Variants in RNF212 observed in about 807,000 individuals in gnomAD.
RNF212 encodes ring finger protein 212.
In RNF212, 33 loss-of-function variants were observed where a neutral mutation model predicts 34.7. That is an observed-to-expected ratio of 0.95 (90% confidence interval 0.72 to 1.27). The LOEUF (loss-of-function observed/expected upper bound fraction) is 1.27. Among genes scored for constraint, RNF212 ranks in the 50% most tolerant of loss-of-function variants. The pLI, the probability that RNF212 is intolerant of heterozygous loss-of-function variation, is 0.00. For missense variants in RNF212, 377 were observed against 362.2 expected, an observed-to-expected ratio of 1.04 and a Z score of -0.33; for synonymous variants, 140 against 136.1, an observed-to-expected ratio of 1.03 and a Z score of -0.20.
chr4:1,110,413 G>A (rs188260808), intron 1 of RNF212, among the ~76,000 whole-genome samples: 108 of 152,192 alleles, frequency 7.1e-4, no homozygotes, highest in African/African-American at 2.6e-3. Flanking sequence ...TCGCATTTGG[G>A]TCAGTTTTCA....
chr4:1,078,793 G>A (rs1719760231), intron 8 of RNF212, among the ~76,000 whole-genome samples: 1 of 152,078 alleles, frequency 6.6e-6, no homozygotes, highest in East Asian at 1.9e-4. Context: ...GTCAACACAG[G>A]ACCGACATGG....
rs750268190 is a variant in RNF212, at chr4:1,073,198, G to A, written c.575-5C>T. 38 of 1,613,118 alleles carry A rather than the reference G, an allele frequency of 2.4e-5. No homozygotes were observed. The highest frequency in any genetic ancestry group is 2.8e-5 in the Non-Finnish European group (33 of 1,179,354). On this transcript the variant is annotated splice_region_variant and splice_polypyrimidine_tract_variant and intron_variant, in intron 9 of 9. Transcript: ENST00000433731. The stretch of plus-strand genomic sequence containing the variant: ...AAGAAGCTGTTAGATGTGGCCCTGC[G>A]GGAAGATGCAGGAGACAGCGTGTGG...
At chr4:1,086,430 G>C (rs1244299748) in intron 4 of RNF212, among the ~76,000 whole-genome samples, 1 of 151,166 alleles carries the variant, frequency 6.6e-6, no homozygotes, top group African/African-American at 2.4e-5. Flanking sequence ...CCATCCTCCA[G>C]GTTTGCTGGG....
rs1553819909 is a variant in RNF212 at position 1,113,465 on chromosome 4, G to A, written c.-1C>T. ...GATTACAGAACACCCAGTTGGCCAT[G>A]CCAGGCGGGCGACCGCAGCGGCGAG... On this transcript the variant is annotated 5_prime_UTR_variant, in exon 1 of 10. Coordinates refer to ENST00000433731, the MANE Select transcript of RNF212 (RefSeq NM_001131034.4). The A allele has an allele frequency of 1.9e-6, 3 of 1,605,426 alleles. No individual in the cohort carries two copies. The East Asian group carries it at 6.8e-5, about 36-fold the overall frequency.
At chr4:1,096,668 GCTC>G in intron 3 of RNF212, 94 bp downstream of exon 3, 1 of 761,606 alleles carries the variant, frequency 1.3e-6, no homozygotes, top group African/African-American at 2.2e-5. Context: ...AGTGCACCTG[GCTC>G]ATCACAGAAC....
chr4:1,066,871 C>T (rs1718132901), downstream of RNF212, among the ~76,000 whole-genome samples: 1 of 152,044 alleles, frequency 6.6e-6, no homozygotes, highest in African/African-American at 2.4e-5. Flanking sequence ...AAATCACTGC[C>T]ACATCCAACA....
intron 3 of RNF212, among the ~76,000 whole-genome samples, chr4:1,059,795 T>C (rs1226551630): frequency 6.6e-6 from 1 of 152,248 alleles, no homozygotes; most frequent in Non-Finnish European, 1.5e-5. Flanking sequence ...CAATACTATA[T>C]GGTCAGTTGA....
At chr4:1,057,751 G>A (rs1266995320) in intron 4 of RNF212, among the ~76,000 whole-genome samples, 3 of 152,164 alleles carry the variant, frequency 2.0e-5, no homozygotes, top group Non-Finnish European at 2.9e-5. Context: ...AAATGCCTAC[G>A]TTATATCTTA....
At chr4:1,090,639 G>T in intron 4 of RNF212, 143 bp downstream of exon 4, 1 of 645,334 alleles carries the variant, frequency 1.5e-6, no homozygotes, top group Non-Finnish European at 2.8e-6. Flanking sequence ...CAGTGACAAC[G>T]TCCCCATAGC....
chr4:1,091,504 G>C (rs1482259121), intron 3 of RNF212, among the ~76,000 whole-genome samples: 6 of 152,210 alleles, frequency 3.9e-5, no homozygotes, highest in Non-Finnish European at 8.8e-5. Context: ...ACAGACAACA[G>C]GGCTAACTGT....
chr4:1,079,569 T>G, intron 8 of RNF212, 74 bp downstream of exon 8: 2 of 1,050,176 alleles, frequency 1.9e-6, no homozygotes, highest in African/African-American at 1.6e-5. Flanking sequence ...AGGTTACGTT[T>G]TTCACTACTG....
At chr4:1,067,506 G>C (rs1479983805), downstream of RNF212, among the ~76,000 whole-genome samples, 1 of 152,090 alleles carries the variant, frequency 6.6e-6, no homozygotes, top group East Asian at 1.9e-4. Flanking sequence ...GATGGAAAAA[G>C]ATATACCATG....
chr4:1,057,975 C>T (rs1025224519), intron 4 of RNF212, among the ~76,000 whole-genome samples: 2 of 151,958 alleles, frequency 1.3e-5, no homozygotes, highest in Non-Finnish European at 2.9e-5. Flanking sequence ...GCAGGAGAAT[C>T]ACTTGAACCC....
At chr4:1,079,725 A>G (rs1363841666) in intron 7 of RNF212, 37 bp from the exon 8 acceptor site, 2 of 1,465,932 alleles carry the variant, frequency 1.4e-6, no homozygotes, top group South Asian at 1.1e-5. Flanking sequence ...GAGTGAGCCC[A>G]GGACTTACCT....
chr4:1,084,599 G>C (rs1429380328), intron 5 of RNF212, among the ~76,000 whole-genome samples: 1 of 151,892 alleles, frequency 6.6e-6, no homozygotes, highest in African/African-American at 2.4e-5. Context: ...GTGTGGTGGT[G>C]CGTGCCTGTG....
At chr4:1,092,052 C>T (rs899428814) in intron 3 of RNF212, among the ~76,000 whole-genome samples, 1 of 152,232 alleles carries the variant, frequency 6.6e-6, no homozygotes, top group African/African-American at 2.4e-5. Context: ...CCTGCACACG[C>T]CCCTCAAAGC....
chr4:1,080,807 G>A (rs1720213165), intron 7 of RNF212, among the ~76,000 whole-genome samples: 1 of 151,978 alleles, frequency 6.6e-6, no homozygotes, highest in South Asian at 2.1e-4. Flanking sequence ...TCCTATCACA[G>A]GGGTGGACTG....
At chr4:1,098,835 G>C (rs932112496) in intron 2 of RNF212, among the ~76,000 whole-genome samples, 1 of 152,132 alleles carries the variant, frequency 6.6e-6, no homozygotes, top group African/African-American at 2.4e-5. Context: ...GAGTGCGCAG[G>C]GAGCGGGAAC....
intron 4 of RNF212, among the ~76,000 whole-genome samples, chr4:1,086,678 G>C (rs868016476): frequency 9.1e-3 from 43 of 4,748 alleles, no homozygotes; most frequent in Non-Finnish European, 0.019. Flanking sequence ...GGTGACAGAG[G>C]ATGGGGTGGG....
Sources: gnomAD v4.1 joint callset for allele counts (sites outside exome capture counted in the v4.1 genomes callset) on GRCh38, gnomAD v4.1.1 for gene constraint, MANE v1.5 for transcripts, NCBI Gene and HGNC (gene_info 2026-07-23, HGNC 2026-07-21) for gene names.